The following KIAA1671 variants were observed in gnomAD, a reference collection of about 807,000 sequenced individuals.
KIAA1671 encodes the protein uncharacterized protein KIAA1671.
KIAA1671 carries 52 observed loss-of-function variants against 131.2 expected under a neutral mutation model. The observed-to-expected ratio is 0.40, with a 90% confidence interval of 0.32 to 0.50. The LOEUF is 0.50. KIAA1671 is among the 20% of genes least tolerant of loss of function. The probability of loss-of-function intolerance (pLI) is 0.73; values close to 1 mark genes in which losing one functional copy is unlikely to be tolerated. For missense variants in KIAA1671, 2,360 were observed against 2,364.2 expected, an observed-to-expected ratio of 1.00 and a Z score of 0.04; for synonymous variants, 1,003 against 961.6, an observed-to-expected ratio of 1.04 and a Z score of -0.80.
At chr22:24,993,768 AAG>A (rs1198238302) in intron 1 of KIAA1671, among the ~76,000 whole-genome samples, 3 of 152,210 alleles carry the variant, frequency 2.0e-5, no homozygotes, top group Non-Finnish European at 4.4e-5. Flanking sequence ...AAATTGGAAA[AAG>A]AGCAACTTTT....
At chr22:25,114,406 G>C (rs1931550251) in intron 6 of KIAA1671, among the ~76,000 whole-genome samples, 1 of 152,244 alleles carries the variant, frequency 6.6e-6, no homozygotes, top group Admixed American at 6.5e-5. Context: ...CTCTCTCTCT[G>C]TTGCTTGCCT....
In KIAA1671 at chr22:25,006,225, G is replaced by T. The variant is rs1414499286; in HGVS notation, c.-207-19408G>T. ...TTTTTGTATTTTTAGTAGAGACGGG[G>T]TTTCACCATGTTGGCCAGGCTGGTC... is the stretch of plus-strand genomic sequence containing the variant. On this transcript the variant is annotated intron_variant, in intron 1 of 12. Transcript: ENST00000358431. 2.0e-5 allele frequency among the ~76,000 whole-genome samples: 3 copies of T among 152,046 alleles called. No homozygotes were observed. The East Asian group carries it at 5.8e-4, about 29-fold the overall frequency.
chr22:25,068,346 G>A (rs1247791955), intron 6 of KIAA1671, among the ~76,000 whole-genome samples: 1 of 152,236 alleles, frequency 6.6e-6, no homozygotes, highest in African/African-American at 2.4e-5. Context: ...GAGAATCAAT[G>A]AAACCACAGG....
At chr22:25,162,190 C>A (rs1933469170) in intron 6 of KIAA1671, among the ~76,000 whole-genome samples, 1 of 152,158 alleles carries the variant, frequency 6.6e-6, no homozygotes, top group Admixed American at 6.5e-5. Context: ...GAGTGTCAGC[C>A]CCTGCCATTA....
intron 1 of KIAA1671, among the ~76,000 whole-genome samples, chr22:24,973,389 G>GTTTTTTTTTTTT (rs57519039): frequency 1.4e-5 from 1 of 71,648 alleles, no homozygotes; most frequent in Non-Finnish European, 2.5e-5. Context: ...GCATATGATG[G>GTTTTTTTTTTTT]TTTTTTTTTT....
intron 9 of KIAA1671, among the ~76,000 whole-genome samples, chr22:25,180,555 A>G (rs542197830): frequency 6.6e-5 from 10 of 152,168 alleles, no homozygotes; most frequent in Non-Finnish European, 1.2e-4. Flanking sequence ...AAAAGAAGAA[A>G]AAATTTCTTC....
chr22:25,090,526 A>G (rs778733985), intron 6 of KIAA1671, among the ~76,000 whole-genome samples: 36 of 152,248 alleles, frequency 2.4e-4, no homozygotes, highest in African/African-American at 2.2e-4. Context: ...CCTTTAGAAC[A>G]TAGGCAGTCC....
intron 8 of KIAA1671, 70 bp from the exon 9 acceptor site, chr22:25,177,278 A>G (rs1328994718): frequency 1.2e-5 from 17 of 1,420,134 alleles, no homozygotes; most frequent in Non-Finnish European, 1.5e-5. Flanking sequence ...TGTACCGCCA[A>G]CTGTGTTGTG....
chr22:25,005,364 A>AG (rs1924696867), intron 1 of KIAA1671, among the ~76,000 whole-genome samples: 1 of 150,702 alleles, frequency 6.6e-6, no homozygotes, highest in South Asian at 2.1e-4. Context: ...AAAAAAAAAA[A>AG]GAAAAAAAGA....
intron 6 of KIAA1671, among the ~76,000 whole-genome samples, chr22:25,161,278 C>T (rs1933435389): frequency 6.6e-6 from 1 of 152,234 alleles, no homozygotes; most frequent in Non-Finnish European, 1.5e-5. Context: ...TTCAACGAGT[C>T]ATACAAATAG....
At chr22:24,970,502 A>G (rs957589535) in intron 1 of KIAA1671, among the ~76,000 whole-genome samples, 4 of 152,160 alleles carry the variant, frequency 2.6e-5, no homozygotes, top group African/African-American at 7.2e-5. Context: ...TTCCGTCTCT[A>G]TAAAATGAGG....
chr22:25,127,949 G>A (rs1312014411), intron 6 of KIAA1671, among the ~76,000 whole-genome samples: 3 of 152,206 alleles, frequency 2.0e-5, no homozygotes, highest in Non-Finnish European at 4.4e-5. Flanking sequence ...CTGGGATGGG[G>A]GTGGAGGAGG....
chr22:25,062,831 G>GCCACCCA (rs1568935239), intron 6 of KIAA1671: 1 of 8,286 alleles, frequency 1.2e-4, no homozygotes, highest in African/African-American at 4.7e-4. Context: ...CCCGCCCCCC[G>GCCACCCA]CCACCCGCCA....
At chr22:25,009,253 C>CT (rs35147267) in intron 1 of KIAA1671, among the ~76,000 whole-genome samples, 11,640 of 62,746 alleles carry the variant, frequency 0.19, 3,060 homozygotes, top group Non-Finnish European at 0.25. Context: ...CCCTTCCCCA[C>CT]TTTTTTTTTT....
chr22:25,071,176 C>T (rs17668090), intron 6 of KIAA1671, among the ~76,000 whole-genome samples: 17,294 of 152,164 alleles, frequency 0.11, 1,159 homozygotes, highest in Non-Finnish European at 0.15. Context: ...AGGGACTTAC[C>T]GAAGAATTGT....
At position 25,039,920 on chromosome 22, in the gene KIAA1671, T is replaced by G; in HGVS notation, c.2790T>G (p.Pro930=). Residue 930 remains proline, a synonymous_variant, in exon 5 of 13, where the codon CCT becomes CCG. Transcript: ENST00000358431. ...CAGGGCCGGCCCAGGTGCCACAGCC[T>G]GCAGTCAGAATGCGGAAAGCCGGCG... is the stretch of plus-strand genomic sequence containing the variant. ...GDPGPAQVPQ[P]AVRMRKAGAM... 6.4e-7 allele frequency: 1 copy of G among 1,551,546 alleles called. No individual in the cohort carries two copies. The highest frequency in any genetic ancestry group is 8.7e-7 in the Non-Finnish European group (1 of 1,146,960).
chr22:25,011,970 C>G (rs552242661), intron 1 of KIAA1671: 1 of 152,130 alleles, frequency 6.6e-6, no homozygotes, highest in African/African-American at 2.4e-5. Context: ...AAGTAAAAGC[C>G]TCCCTAGAAG....
In KIAA1671 at chr22:25,038,742, C is replaced by T. The variant is rs2145803800; in HGVS notation, c.1630-18C>T. 5.3e-6 allele frequency: 8 copies of T among 1,513,920 alleles called. No homozygotes were observed. The highest frequency in any genetic ancestry group is 1.8e-4 in the Middle Eastern group (1 of 5,646). The allele number at this position is 1,513,920 out of a possible 1,614,324, so 93.8% of individuals were successfully genotyped here. On this transcript the variant is annotated intron_variant, in intron 4 of 12. Transcript: ENST00000358431. ...CTTAAACACTGAGGTGTTTCTTTTT[C>T]TTTTTGTTTCTTTCCAGCAAAAGGA...
At chr22:25,020,157 C>A (rs748149338) in intron 1 of KIAA1671, among the ~76,000 whole-genome samples, 4 of 152,162 alleles carry the variant, frequency 2.6e-5, no homozygotes, top group African/African-American at 9.7e-5. Context: ...TGGATTCCAA[C>A]CCCACCTCTA....
Sources: gnomAD v4.1 joint callset for allele counts (sites outside exome capture counted in the v4.1 genomes callset) on GRCh38, gnomAD v4.1.1 for gene constraint, MANE v1.5 for transcripts, NCBI Gene and HGNC (gene_info 2026-07-23, HGNC 2026-07-21) for gene names.